The following ZNF713 variants were observed in gnomAD, a reference collection of about 807,000 sequenced individuals.
ZNF713 encodes the protein zinc finger protein 713.
ZNF713 carries 21 observed loss-of-function variants against 28.7 expected under a neutral mutation model. That is an observed-to-expected ratio of 0.73 (90% CI 0.52 to 1.05). The LOEUF is 1.05. Among genes scored for constraint, ZNF713 ranks in the 50% least tolerant of loss-of-function variants. The pLI, the probability that ZNF713 is intolerant of heterozygous loss-of-function variation, is 0.00. For synonymous variants in ZNF713, 167 were observed against 178.0 expected (o/e 0.94, Z 0.49); for missense variants, 458 against 532.4 (o/e 0.86, Z 1.37).
chr7:55,910,642 C>T (rs1383162679), intron 2 of ZNF713, among the ~76,000 whole-genome samples: 1 of 152,062 alleles, frequency 6.6e-6, no homozygotes, highest in Non-Finnish European at 1.5e-5. Flanking sequence ...ACTACAGGCA[C>T]AAGCCACCAC....
chr7:55,924,807 G>C (rs760602395), intron 6 of ZNF713: 2 of 152,204 alleles, frequency 1.3e-5, no homozygotes, highest in Non-Finnish European at 2.9e-5. Flanking sequence ...CCTGGGAGCG[G>C]AGGTTGCAGT....
At position 55,912,722 on chromosome 7, in the gene ZNF713, A is replaced by C; in HGVS notation, c.86A>C (p.Gln29Pro). 1.2e-6 allele frequency: 2 copies of C among 1,611,778 alleles called. No homozygotes were observed. The highest frequency in any genetic ancestry group is 1.1e-5 in the South Asian group (1 of 90,590). The change falls in exon 4 of 7, where the codon CAG becomes CCG. Residue 29 changes from glutamine to proline, a missense_variant and splice_region_variant. Gln to Pro is a moderately conservative substitution (Grantham distance 76). Transcript: ENST00000429591. ...GATGGCTCACAGATGGTGAGATCTC[A>C]GGTAAGTTCAGTTTTCCTCTCCTCT... ...MNDGSQMVRS[Q>P]ESLTFQDVAV...
intron 1 of ZNF713, among the ~76,000 whole-genome samples, chr7:55,890,912 C>T (rs1335153482): frequency 6.6e-6 from 1 of 150,756 alleles, no homozygotes; most frequent in Non-Finnish European, 1.5e-5. Flanking sequence ...GAGAATTGTG[C>T]TTGAACCCAG....
intron 6 of ZNF713, among the ~76,000 whole-genome samples, chr7:55,937,193 A>G (rs1188170920): frequency 2.0e-5 from 3 of 152,124 alleles, no homozygotes; most frequent in Admixed American, 2.0e-4. Context: ...CCAGCTGCTC[A>G]GGAGTCTGAG....
At chr7:55,901,438 CA>C (rs1215203088) in intron 1 of ZNF713, among the ~76,000 whole-genome samples, 1 of 152,162 alleles carries the variant, frequency 6.6e-6, no homozygotes, top group African/African-American at 2.4e-5. Flanking sequence ...GAGACACAGC[CA>C]AACCACATCA....
intron 1 of ZNF713, among the ~76,000 whole-genome samples, chr7:55,905,702 C>G (rs1371781701): frequency 6.6e-6 from 1 of 152,008 alleles, no homozygotes; most frequent in Non-Finnish European, 1.5e-5. Context: ...TCTTCACGTT[C>G]CTGGAATTTA....
chr7:55,912,349 T>C (rs564815631), intron 3 of ZNF713, among the ~76,000 whole-genome samples: 1 of 152,252 alleles, frequency 6.6e-6, no homozygotes, highest in East Asian at 1.9e-4. Flanking sequence ...GTGTAGGGGC[T>C]GAACACTGGC....
At chr7:55,926,767 G>A (rs1786104348) in intron 6 of ZNF713, among the ~76,000 whole-genome samples, 1 of 152,186 alleles carries the variant, frequency 6.6e-6, no homozygotes, top group Admixed American at 6.5e-5. Context: ...TTTGTACATT[G>A]TTGCATGAAC....
At chr7:55,933,797 C>T (rs1283492221) in intron 6 of ZNF713, among the ~76,000 whole-genome samples, 1 of 152,270 alleles carries the variant, frequency 6.6e-6, no homozygotes, top group East Asian at 1.9e-4. Flanking sequence ...CTCTGCCTCC[C>T]GGGCCCAAGC....
intron 4 of ZNF713, among the ~76,000 whole-genome samples, chr7:55,921,462 C>T (rs547874346): frequency 8.5e-5 from 13 of 152,288 alleles, no homozygotes; most frequent in African/African-American, 2.6e-4. Context: ...ATCACCATTC[C>T]GATGCCATTA....
At chr7:55,910,003 ATGTGTG>A (rs539040368) in intron 2 of ZNF713, among the ~76,000 whole-genome samples, 1 of 147,598 alleles carries the variant, frequency 6.8e-6, no homozygotes, top group African/African-American at 2.5e-5. Context: ...ATATACGTTT[ATGTGTG>A]TGTGTGTGTG....
intron 6 of ZNF713, among the ~76,000 whole-genome samples, chr7:55,932,487 T>A (rs1326009924): frequency 6.8e-6 from 1 of 147,254 alleles, no homozygotes; most frequent in East Asian, 2.0e-4. Context: ...ATCACACCAC[T>A]GCACTCCAGC....
chr7:55,922,495 G>A (rs1445257893), intron 4 of ZNF713, among the ~76,000 whole-genome samples: 24 of 151,200 alleles, frequency 1.6e-4, no homozygotes, highest in Non-Finnish European at 3.1e-4. Context: ...CCGAGATTGC[G>A]GCACTGCACT....
chr7:55,912,802 T>G, intron 4 of ZNF713, 79 bp downstream of exon 4: 1 of 1,192,258 alleles, frequency 8.4e-7, no homozygotes, highest in Non-Finnish European at 1.2e-6. Flanking sequence ...TTCTCAGAAG[T>G]GCTGAGTCAC....
intron 1 of ZNF713, among the ~76,000 whole-genome samples, chr7:55,893,228 G>C (rs185368284): frequency 3.9e-5 from 6 of 152,188 alleles, no homozygotes; most frequent in African/African-American, 1.4e-4. Context: ...TCAGACTGAA[G>C]ACCCAAAGAT....
At chr7:55,923,757 C>G in intron 6 of ZNF713, 58 bp downstream of exon 6, 1 of 1,381,104 alleles carries the variant, frequency 7.2e-7, no homozygotes, top group East Asian at 2.3e-5. Flanking sequence ...ACTTCTGAAC[C>G]ACTCAGTGGA....
chr7:55,919,877 T>A (rs6946065), intron 4 of ZNF713, among the ~76,000 whole-genome samples: 117,324 of 151,608 alleles, frequency 0.77, 45,419 homozygotes, highest in East Asian at 0.94. Flanking sequence ...TTTTTTTTTT[T>A]ATTATACTTC....
intron 1 of ZNF713, among the ~76,000 whole-genome samples, chr7:55,896,499 G>A (rs531277414): frequency 2.6e-5 from 4 of 151,744 alleles, no homozygotes; most frequent in Non-Finnish European, 1.5e-5. Flanking sequence ...GGAAGTTACC[G>A]GTAAGGAAAA....
At chr7:55,916,142 G>T (rs2116223424) in intron 4 of ZNF713, among the ~76,000 whole-genome samples, 1 of 152,348 alleles carries the variant, frequency 6.6e-6, no homozygotes, top group East Asian at 1.9e-4. Context: ...ATCAGATCAT[G>T]TCATTCCTCT....
Sources: gnomAD v4.1 joint callset for allele counts (sites outside exome capture counted in the v4.1 genomes callset) on GRCh38, gnomAD v4.1.1 for gene constraint, MANE v1.5 for transcripts, NCBI Gene and HGNC (gene_info 2026-07-23, HGNC 2026-07-21) for gene names.